The following MARCHF1 variants were observed in gnomAD, a reference collection of about 807,000 sequenced individuals.
MARCHF1 encodes the protein membrane associated ring-CH-type finger 1.
MARCHF1 carries 40 observed loss-of-function variants against 54.2 expected under a neutral mutation model. The ratio of observed to expected loss-of-function variants is 0.74; its 90% CI spans 0.57 to 0.96. The LOEUF (loss-of-function observed/expected upper bound fraction) is 0.96. Ranked by LOEUF, MARCHF1 falls within the 40% of genes least tolerant of loss-of-function variation. MARCHF1 has a pLI of 0.00. For synonymous variants in MARCHF1, 236 were observed against 236.3 expected (o/e 1.00, Z 0.01); for missense variants, 586 against 656.5 (o/e 0.89, Z 1.17).
At position 163,889,852 on chromosome 4, in the gene MARCHF1, AT is replaced by A. The variant is rs202179115; in HGVS notation, c.-38-35684del. 2.4e-3 allele frequency among the ~76,000 whole-genome samples: 259 copies of A among 108,302 alleles called. 2 individuals carry two copies. The highest frequency in any genetic ancestry group is 5.1e-3 in the Admixed American group (59 of 11,526). The allele number at this position is 108,302 out of a possible 152,430, so 71.1% of individuals were successfully genotyped here. A position where few individuals can be genotyped will look rare whatever the true frequency, so the allele number is the denominator to read the frequency against. Reference sequence around the variant, plus strand: ...ATTACTGCCAAATCACTACCTGCAGATTAAAAAAAAAAAATCTCAATAATAA... The same window carrying A: ...ATTACTGCCAAATCACTACCTGCAGATAAAAAAAAAAAATCTCAATAATAA... On this transcript the variant is annotated intron_variant, in intron 3 of 9. Transcript: ENST00000514618.
At chr4:164,241,869 T>C (rs12500515) in intron 1 of MARCHF1, among the ~76,000 whole-genome samples, 74,345 of 151,626 alleles carry the variant, frequency 0.49, 20,436 homozygotes, top group Non-Finnish European at 0.64. Context: ...GGGTGACGGA[T>C]GGCACCTGGA....
chr4:163,739,218 G>A (rs17044067), intron 4 of MARCHF1, among the ~76,000 whole-genome samples: 3,777 of 152,228 alleles, frequency 0.025, 160 homozygotes, highest in African/African-American at 0.085. Context: ...GAGTGGTGAA[G>A]GGATTTTATA....
intron 2 of MARCHF1, among the ~76,000 whole-genome samples, chr4:164,075,990 G>T (rs1426905948): frequency 1.3e-5 from 2 of 152,126 alleles, no homozygotes; most frequent in African/African-American, 4.8e-5. Context: ...GACTGAACTT[G>T]TAGCCATGAA....
intron 4 of MARCHF1, among the ~76,000 whole-genome samples, chr4:163,788,260 G>T (rs1228889054): frequency 6.6e-6 from 1 of 151,896 alleles, no homozygotes; most frequent in Non-Finnish European, 1.5e-5. Flanking sequence ...GTTTCAGTTT[G>T]AACTAATTTT....
At chr4:164,013,824 A>C (rs1753478806) in intron 2 of MARCHF1, among the ~76,000 whole-genome samples, 1 of 152,166 alleles carries the variant, frequency 6.6e-6, no homozygotes. Context: ...TTTCCTATAC[A>C]AACAAAAGCT....
intron 2 of MARCHF1, among the ~76,000 whole-genome samples, chr4:164,074,876 A>G: frequency 6.6e-6 from 1 of 150,884 alleles, no homozygotes; most frequent in African/African-American, 2.4e-5. Context: ...TTTCTTCTAA[A>G]ATATAAGAAA....
At chr4:163,828,474 C>A (rs556552137) in intron 4 of MARCHF1, among the ~76,000 whole-genome samples, 1 of 151,966 alleles carries the variant, frequency 6.6e-6, no homozygotes, top group African/African-American at 2.4e-5. Flanking sequence ...GGGCACATTT[C>A]AAAGGACTAA....
intron 3 of MARCHF1, among the ~76,000 whole-genome samples, chr4:163,871,995 T>G (rs1750179171): frequency 6.6e-6 from 1 of 152,172 alleles, no homozygotes; most frequent in Non-Finnish European, 1.5e-5. Flanking sequence ...AAGATGTAGC[T>G]TCAAGTATTT....
rs964218269 is a variant in MARCHF1, at chr4:163,528,141, A to G, written c.*607T>C. The G allele has an allele frequency of 2.6e-5, 4 of 152,502 alleles. No individual in the cohort carries two copies. Among genetic ancestry groups the G allele is most frequent in the Non-Finnish European group, 4.4e-5 (3 of 68,000 alleles). The allele number at this position is 152,502 out of a possible 1,614,324, so 9.4% of individuals were successfully genotyped here. On this transcript the variant is annotated 3_prime_UTR_variant, in exon 10 of 10. Transcript: ENST00000514618. ...CAAACGTAATTAATTCCAAATATCAATGTCTTCAAATGTATATTGCATCTA... is the reference window on the plus strand; with the variant it reads ...CAAACGTAATTAATTCCAAATATCAGTGTCTTCAAATGTATATTGCATCTA...
chr4:164,273,723 T>A (rs1733799935), intron 1 of MARCHF1, among the ~76,000 whole-genome samples: 1 of 152,166 alleles, frequency 6.6e-6, no homozygotes, highest in East Asian at 1.9e-4. Context: ...CAATAAAATA[T>A]CCTCAGCAAC....
In MARCHF1 at chr4:164,127,078, C is replaced by CAAAACAAAACAAAACAAAACAAAACA. The variant is rs974447143; in HGVS notation, c.-322-15417_-322-15416insTGTTTTGTTTTGTTTTGTTTTGTTTT. Among the ~76,000 whole-genome samples, 764 of 134,298 alleles carry CAAAACAAAACAAAACAAAACAAAACA rather than the reference C, an allele frequency of 5.7e-3. 12 individuals carry two copies. The highest frequency in any genetic ancestry group is 0.043 in the Admixed American group (574 of 13,294). 88.1% of individuals were successfully genotyped at this position (134,298 alleles called of 152,430 possible). A position where few individuals can be genotyped will look rare whatever the true frequency, so the allele number is the denominator to read the frequency against. On this transcript the variant is annotated intron_variant, in intron 1 of 9. Transcript: ENST00000514618. The stretch of plus-strand genomic sequence containing the variant: ...CAAAACAAAACAAAACAAAACAAAA[C>CAAAACAAAACAAAACAAAACAAAACA]AAAGAGGAATATGTTATTGGAAACT...
chr4:163,952,357 T>C (rs1343875299), intron 3 of MARCHF1, among the ~76,000 whole-genome samples: 2 of 152,202 alleles, frequency 1.3e-5, no homozygotes, highest in Non-Finnish European at 2.9e-5. Flanking sequence ...AAATTTACTC[T>C]ACACGCTAGT....
chr4:163,543,931 G>A (rs938386580), intron 9 of MARCHF1, among the ~76,000 whole-genome samples: 2 of 152,146 alleles, frequency 1.3e-5, no homozygotes, highest in East Asian at 1.9e-4. Flanking sequence ...TGGGAGAGGG[G>A]AGAGACTACA....
At chr4:163,556,070 T>C (rs1449656763) in intron 8 of MARCHF1, 4 of 428,678 alleles carry the variant, frequency 9.3e-6, no homozygotes, top group Non-Finnish European at 1.9e-5. Context: ...TGAGTTGACT[T>C]ACCCAGTCAT....
intron 1 of MARCHF1, among the ~76,000 whole-genome samples, chr4:164,265,344 T>C (rs940908897): frequency 6.6e-6 from 1 of 152,162 alleles, no homozygotes. Flanking sequence ...TCAATAAATT[T>C]ATAAAATACT....
intron 4 of MARCHF1, among the ~76,000 whole-genome samples, chr4:163,717,707 T>C (rs548907353): frequency 6.6e-6 from 1 of 152,310 alleles, no homozygotes; most frequent in South Asian, 2.1e-4. Flanking sequence ...TGTGAGATGG[T>C]ATCTCATTGT....
At chr4:163,911,232 G>A (rs1751182345) in intron 3 of MARCHF1, among the ~76,000 whole-genome samples, 2 of 152,180 alleles carry the variant, frequency 1.3e-5, no homozygotes, top group African/African-American at 4.8e-5. Context: ...AGAGGATGGG[G>A]TGATTGAGTA....
chr4:164,201,288 C>T (rs1731446486), intron 1 of MARCHF1, among the ~76,000 whole-genome samples: 1 of 152,062 alleles, frequency 6.6e-6, no homozygotes, highest in Admixed American at 6.6e-5. Flanking sequence ...GGTGCGATCT[C>T]GGCTCACTGC....
chr4:163,846,120 C>G (rs1301958775), intron 4 of MARCHF1, among the ~76,000 whole-genome samples: 1 of 152,008 alleles, frequency 6.6e-6, no homozygotes, highest in Non-Finnish European at 1.5e-5. Flanking sequence ...TTTGTAATAG[C>G]AATTGGAAAC....
Sources: gnomAD v4.1 joint callset for allele counts (sites outside exome capture counted in the v4.1 genomes callset) on GRCh38, gnomAD v4.1.1 for gene constraint, MANE v1.5 for transcripts, NCBI Gene and HGNC (gene_info 2026-07-23, HGNC 2026-07-21) for gene names.